RGL1: variants seen among roughly 807,000 people sequenced by gnomAD.
RGL1 encodes ral guanine nucleotide dissociation stimulator-like 1.
In RGL1, 24 loss-of-function variants were observed where a neutral mutation model predicts 95.2. That is an observed-to-expected ratio of 0.25 (90% confidence interval 0.18 to 0.35). RGL1 has a LOEUF of 0.35. Among genes scored for constraint, RGL1 ranks in the 10% least tolerant of loss-of-function variants. RGL1 has a pLI of 1.00. For missense variants in RGL1, 715 were observed against 936.3 expected (o/e 0.76, Z 3.08); for synonymous variants, 329 against 344.9 (o/e 0.95, Z 0.51).
At chr1:183,811,663 A>G (rs1422123632) in intron 2 of RGL1, among the ~76,000 whole-genome samples, 2 of 152,228 alleles carry the variant, frequency 1.3e-5, no homozygotes, top group Admixed American at 1.3e-4. Flanking sequence ...AGATATTATT[A>G]CACTGGATCC....
chr1:183,758,729 C>G (rs746710686), intron 2 of RGL1, among the ~76,000 whole-genome samples: 5 of 152,238 alleles, frequency 3.3e-5, no homozygotes, highest in Admixed American at 3.3e-4. Flanking sequence ...AAAGCTCTGC[C>G]TCCTAATATC....
chr1:183,901,801 A>G (rs1668042228), intron 11 of RGL1, among the ~76,000 whole-genome samples: 1 of 152,172 alleles, frequency 6.6e-6, no homozygotes, highest in African/African-American at 2.4e-5. Context: ...ATAAAATATT[A>G]AGTGAAGAAG....
chr1:183,646,896 A>C (rs1309135812), intron 1 of RGL1: 2 of 152,236 alleles, frequency 1.3e-5, no homozygotes, highest in Non-Finnish European at 2.9e-5. Flanking sequence ...AGGGAGAGAC[A>C]GTGCTTGACC....
chr1:183,690,967 A>G (rs994984156), intron 1 of RGL1, among the ~76,000 whole-genome samples: 1 of 152,186 alleles, frequency 6.6e-6, no homozygotes, highest in Non-Finnish European at 1.5e-5. Flanking sequence ...ATTGAGGTTT[A>G]TGTTGTATAT....
At chr1:183,922,152 G>A in intron 16 of RGL1, 70 bp from the exon 17 acceptor site, 1 of 1,243,438 alleles carries the variant, frequency 8.0e-7, no homozygotes, top group Non-Finnish European at 1.2e-6. Flanking sequence ...GCAAGAATGA[G>A]AGGGTCAGGA....
chr1:183,665,819 A>G (rs189826485), intron 1 of RGL1, among the ~76,000 whole-genome samples: 8 of 152,252 alleles, frequency 5.3e-5, no homozygotes, highest in African/African-American at 1.7e-4. Flanking sequence ...TTATTGATCT[A>G]AAGAAAACCT....
chr1:183,820,633 A>G (rs1041355446), intron 2 of RGL1, among the ~76,000 whole-genome samples: 1 of 152,180 alleles, frequency 6.6e-6, no homozygotes, highest in Non-Finnish European at 1.5e-5. Flanking sequence ...GCTGTTCAAT[A>G]TGGTAACAAC....
intron 2 of RGL1, among the ~76,000 whole-genome samples, chr1:183,770,936 T>C (rs1659243093): frequency 6.6e-6 from 1 of 152,226 alleles, no homozygotes. Flanking sequence ...CACTCATCTC[T>C]ACTCCCTCCC....
chr1:183,837,342 C>T (rs2102506031), intron 2 of RGL1, among the ~76,000 whole-genome samples: 1 of 152,240 alleles, frequency 6.6e-6, no homozygotes. Context: ...GGTTGGGCTG[C>T]ACAAAAACAG....
intron 3 of RGL1, among the ~76,000 whole-genome samples, chr1:183,850,815 A>G (rs981927943): frequency 2.0e-5 from 3 of 152,226 alleles, no homozygotes; most frequent in African/African-American, 7.2e-5. Context: ...GGCAGGCAGT[A>G]TGAATTGACT....
chr1:183,877,605 T>C (rs1235300593), intron 4 of RGL1, among the ~76,000 whole-genome samples: 1 of 152,174 alleles, frequency 6.6e-6, no homozygotes, highest in Admixed American at 6.5e-5. Flanking sequence ...TCGTGTTCTA[T>C]TGTGCTGTTT....
At chr1:183,917,493 C>T (rs1669048709) in intron 16 of RGL1, among the ~76,000 whole-genome samples, 1 of 152,236 alleles carries the variant, frequency 6.6e-6, no homozygotes, top group Non-Finnish European at 1.5e-5. Context: ...CATCTCTCCT[C>T]ATCTTTATCA....
intron 2 of RGL1, among the ~76,000 whole-genome samples, chr1:183,844,788 A>C (rs1298356807): frequency 6.6e-6 from 1 of 152,228 alleles, no homozygotes; most frequent in East Asian, 1.9e-4. Context: ...CTGAGTCAAC[A>C]GTCTTAAGAG....
chr1:183,661,387 T>C (rs533205299), intron 1 of RGL1, among the ~76,000 whole-genome samples: 15 of 152,108 alleles, frequency 9.9e-5, no homozygotes, highest in African/African-American at 3.6e-4. Context: ...TCACCACCAA[T>C]CCCACAGAAA....
At chr1:183,884,997 A>T (rs1206484945) in intron 7 of RGL1, 59 bp downstream of exon 7, 4 of 1,425,310 alleles carry the variant, frequency 2.8e-6, no homozygotes, top group Non-Finnish European at 3.9e-6. Flanking sequence ...CTGCTCCATC[A>T]CTTCGTTTAA....
chr1:183,902,390 A>G (rs908347781), intron 11 of RGL1, among the ~76,000 whole-genome samples, 178 bp from the exon 12 acceptor site: 5 of 152,200 alleles, frequency 3.3e-5, no homozygotes, highest in Admixed American at 6.5e-5. Flanking sequence ...GCCTTATAAT[A>G]ATACTTTTTT....
chr1:183,898,837 G>A (rs1179751568), intron 10 of RGL1, among the ~76,000 whole-genome samples: 1 of 152,194 alleles, frequency 6.6e-6, no homozygotes, highest in African/African-American at 2.4e-5. Context: ...ACCTCACAAA[G>A]CAGTTCTGGC....
At chr1:183,785,624 A>G (rs939795593) in intron 2 of RGL1, among the ~76,000 whole-genome samples, 4 of 152,312 alleles carry the variant, frequency 2.6e-5, no homozygotes, top group Middle Eastern at 3.4e-3. Context: ...AGCTGCTTGC[A>G]TGATTGTATG....
chr1:183,884,678 G>T (rs1478778872), intron 6 of RGL1, 45 bp from the exon 7 acceptor site: 25 of 1,531,270 alleles, frequency 1.6e-5, no homozygotes, highest in Non-Finnish European at 2.3e-5. Flanking sequence ...TTTGCCATAT[G>T]AAATGTCTGT....
Sources: allele counts gnomAD v4.1 joint callset (sites outside exome capture counted in the v4.1 genomes callset), GRCh38; gene constraint gnomAD v4.1.1; transcripts MANE v1.5; gene names NCBI Gene and HGNC (gene_info 2026-07-23, HGNC 2026-07-21).